Variants in BAZ1A observed in about 807,000 individuals in gnomAD.
BAZ1A encodes the protein bromodomain adjacent to zinc finger domain protein 1A.
BAZ1A carries 50 observed loss-of-function variants against 185.2 expected under a neutral mutation model. That is an observed-to-expected ratio of 0.27 (90% confidence interval 0.22 to 0.34). The LOEUF is 0.34. Ranked by LOEUF, BAZ1A falls within the 10% of genes least tolerant of loss-of-function variation. BAZ1A has a pLI of 1.00. For missense variants in BAZ1A, 1,356 were observed against 1,839.9 expected, an observed-to-expected ratio of 0.74 and a Z score of 4.81; for synonymous variants, 571 against 615.6, an observed-to-expected ratio of 0.93 and a Z score of 1.07.
chr14:34,764,788 T>A lies in BAZ1A; in HGVS notation c.3695A>T (p.Asp1232Val), dbSNP rs764143855. The A allele has an allele frequency of 2.0e-5, 33 of 1,611,698 alleles. No individual in the cohort carries two copies. The highest frequency in any genetic ancestry group is 2.8e-5 in the Non-Finnish European group (33 of 1,177,900). The change falls in exon 23 of 27, where the codon GAT (aspartate) becomes GTT (valine). Residue 1232 changes from aspartate to valine, a missense_variant. Physicochemically the swap from Asp to Val is radical, Grantham distance 152. This residue lies in a region of BAZ1A where 309 missense variants were observed against 355.3 expected (regional missense o/e 0.87). Transcript: ENST00000360310. ...CTCCTCACTTTGACCTTCTTCTTCA[T>A]CGCCATCAACTTCATCATCCTCACC... ...MGGEDDEVDG[D>V]EEEGQSEEEE...
intron 9 of BAZ1A, among the ~76,000 whole-genome samples, chr14:34,796,120 C>T (rs1360743773): frequency 2.0e-5 from 3 of 151,276 alleles, no homozygotes; most frequent in South Asian, 2.1e-4. Flanking sequence ...GCCAAAATGG[C>T]GAAACTCCAT....
chr14:34,841,562 G>C (rs1431068189), intron 3 of BAZ1A, among the ~76,000 whole-genome samples: 1 of 152,084 alleles, frequency 6.6e-6, no homozygotes, highest in Non-Finnish European at 1.5e-5. Flanking sequence ...GCTAATTTTT[G>C]TATTTTTAGT....
In BAZ1A at chr14:34,776,206, T is replaced by C. The variant is rs1280358408; in HGVS notation, c.2546A>G (p.Gln849Arg). 7 of 1,614,078 alleles carry C rather than the reference T, an allele frequency of 4.3e-6. No homozygotes were observed. In the East Asian group the frequency reaches 6.7e-5, roughly 15 times the overall value. Residue 849 changes from glutamine to arginine, a missense_variant, in exon 18 of 27, where the codon CAG (glutamine) becomes CGG (arginine). Gln to Arg is a conservative substitution (Grantham distance 43, BLOSUM62 1). This residue lies in a region of BAZ1A where 434 missense variants were observed against 561.7 expected (regional missense o/e 0.77). Transcript: ENST00000360310. ...AGTGGATACCTGAGGATCTTGAGAC[T>C]GTACATTATTCTGAAATGATGAAGG... ...PRPSSFQNNV[Q>R]SQDPQVSTKT...
intron 23 of BAZ1A, among the ~76,000 whole-genome samples, chr14:34,763,579 T>C (rs907933082): frequency 2.0e-5 from 3 of 152,210 alleles, no homozygotes; most frequent in African/African-American, 7.2e-5. Context: ...CCTCATTTTA[T>C]AGTGCTTTGT....
At chr14:34,847,105 G>T (rs1240153000) in intron 3 of BAZ1A, among the ~76,000 whole-genome samples, 1 of 152,036 alleles carries the variant, frequency 6.6e-6, no homozygotes, top group African/African-American at 2.4e-5. Context: ...ACGAAAATTG[G>T]CTGGACACGG....
chr14:34,785,754 A>T, intron 14 of BAZ1A, 23 bp downstream of exon 14: 1 of 1,609,730 alleles, frequency 6.2e-7, no homozygotes, highest in Non-Finnish European at 8.5e-7. Flanking sequence ...CAGGTTATGC[A>T]AATTCCAACT....
At chr14:34,757,990 G>A (rs536751522) in intron 25 of BAZ1A, among the ~76,000 whole-genome samples, 9 of 150,468 alleles carry the variant, frequency 6.0e-5, no homozygotes, top group African/African-American at 1.7e-4. Flanking sequence ...CTCGTGATCC[G>A]CCCGCCTCGG....
intron 3 of BAZ1A, among the ~76,000 whole-genome samples, chr14:34,848,415 G>A (rs1055571855): frequency 6.6e-6 from 1 of 152,066 alleles, no homozygotes; most frequent in Non-Finnish European, 1.5e-5. Context: ...AGACCAGCCT[G>A]ACCAACATGG....
chr14:34,841,262 A>C (rs1206422929), intron 3 of BAZ1A, among the ~76,000 whole-genome samples: 1 of 152,196 alleles, frequency 6.6e-6, no homozygotes, highest in Non-Finnish European at 1.5e-5. Flanking sequence ...CTAAAATGTA[A>C]ACATCAGCCC....
chr14:34,783,738 A>C (rs1265818876), intron 15 of BAZ1A, 24 bp downstream of exon 15: 3 of 1,596,122 alleles, frequency 1.9e-6, no homozygotes, highest in Non-Finnish European at 2.6e-6. Flanking sequence ...TTTCATTAAC[A>C]CAACTATTAC....
Position 34,815,040 on chromosome 14 carries a change from G to T in BAZ1A, c.537-4004C>A, listed in dbSNP as rs191659052. 2.7e-3 allele frequency among the ~76,000 whole-genome samples: 415 copies of T among 152,274 alleles called. 3 individuals are homozygous for T. Among genetic ancestry groups the T allele is most frequent in the African/African-American group, 9.3e-3 (386 of 41,554 alleles). ...TCCACCCACCTTGGCCTCCCAAAGT[G>T]CTGGGATTACAGGCGTGAGCCACTG... On this transcript the variant is annotated intron_variant, in intron 4 of 26. Coordinates refer to ENST00000360310, the MANE Select transcript of BAZ1A (RefSeq NM_013448.3).
intron 26 of BAZ1A, 36 bp from the exon 27 acceptor site, chr14:34,753,740 A>T: frequency 6.9e-7 from 1 of 1,447,542 alleles, no homozygotes; most frequent in Non-Finnish European, 9.3e-7. Context: ...TTAGAATGAA[A>T]GTACATAAAT....
chr14:34,753,827 A>G (rs762599988), intron 26 of BAZ1A, 123 bp from the exon 27 acceptor site: 1 of 836,622 alleles, frequency 1.2e-6, no homozygotes, highest in Admixed American at 3.4e-5. Context: ...CTTTAGAAAG[A>G]GAAGACTCTG....
Position 34,774,310 on chromosome 14 carries a change from T to C in BAZ1A, c.2997+17A>G. 1.3e-6 allele frequency: 2 copies of C among 1,589,538 alleles called. No homozygotes were observed. The highest frequency in any genetic ancestry group is 1.7e-6 in the Non-Finnish European group (2 of 1,171,400). On this transcript the variant is annotated intron_variant, in intron 19 of 26. Transcript: ENST00000360310. ...CCAAGTAGATTAGACAAACTAAAAA[T>C]GGGAACAAGTACAAACCTTGATGGC...
intron 2 of BAZ1A, among the ~76,000 whole-genome samples, chr14:34,870,972 T>G (rs2042940690): frequency 6.6e-6 from 1 of 152,192 alleles, no homozygotes; most frequent in African/African-American, 2.4e-5. Flanking sequence ...GGACCACCTG[T>G]TAGTGATGTT....
chr14:34,849,718 A>G (rs1310246433), intron 3 of BAZ1A, among the ~76,000 whole-genome samples: 1 of 152,134 alleles, frequency 6.6e-6, no homozygotes, highest in African/African-American at 2.4e-5. Context: ...ATGTGTTCTA[A>G]TGCAACCAAG....
At chr14:34,754,792 AAAAT>A in intron 26 of BAZ1A, 31 bp downstream of exon 26, 3 of 1,453,674 alleles carry the variant, frequency 2.1e-6, no homozygotes, top group Non-Finnish European at 2.8e-6. Flanking sequence ...ATGCCTTAGA[AAAAT>A]AAATATCAAA....
chr14:34,767,186 A>C (rs1878906396), intron 21 of BAZ1A, among the ~76,000 whole-genome samples: 1 of 152,126 alleles, frequency 6.6e-6, no homozygotes, highest in African/African-American at 2.4e-5. Context: ...AACCAGCTAG[A>C]TTTTATGTTA....
intron 17 of BAZ1A, 48 bp from the exon 18 acceptor site, chr14:34,776,563 AT>A: frequency 6.8e-7 from 1 of 1,471,760 alleles, no homozygotes; most frequent in East Asian, 2.3e-5. Context: ...TCAAGTTTCC[AT>A]TAGAAAAATA....
Sources: allele counts gnomAD v4.1 joint callset (sites outside exome capture counted in the v4.1 genomes callset), GRCh38; gene constraint gnomAD v4.1.1; regional missense constraint gnomAD v4.1.1; transcripts MANE v1.5; gene names NCBI Gene and HGNC (gene_info 2026-07-23, HGNC 2026-07-21).